The following AMN variants were observed in gnomAD, a reference collection of about 807,000 sequenced individuals.
AMN encodes the protein protein amnionless.
In AMN, 40 loss-of-function variants were observed where a neutral mutation model predicts 49.1. The observed-to-expected ratio is 0.81, with a 90% CI of 0.63 to 1.06. The LOEUF is 1.06. Ranked by LOEUF, AMN falls within the 50% of genes least tolerant of loss-of-function variation. AMN has a pLI of 0.00. For missense variants in AMN, 701 were observed against 662.8 expected, an observed-to-expected ratio of 1.06 and a Z score of -0.63; for synonymous variants, 380 against 313.3, an observed-to-expected ratio of 1.21 and a Z score of -2.25.
At chr14:102,928,715 G>A (rs1891248898) in intron 4 of AMN, 43 bp from the exon 5 acceptor site, 2 of 1,583,994 alleles carry the variant, frequency 1.3e-6, no homozygotes, top group Non-Finnish European at 1.7e-6. Context: ...GTGGTGTGGC[G>A]CGGCGCTTGT....
rs1249647645 is a variant in AMN at position 102,930,715 on chromosome 14, C to T, written c.*35C>T. ...TGACCGTCGACCTTGGGGCTCTCCACCCGCTCTGGCCCCAGTCGAACTGGG... is the reference window on the plus strand; with the variant it reads ...TGACCGTCGACCTTGGGGCTCTCCATCCGCTCTGGCCCCAGTCGAACTGGG... On this transcript the variant is annotated 3_prime_UTR_variant, in exon 12 of 12. Transcript: ENST00000299155. The T allele has an allele frequency of 2.6e-6, 4 of 1,548,672 alleles. No individual in the cohort carries two copies. The highest frequency in any genetic ancestry group is 1.2e-5 in the South Asian group (1 of 84,360).
At position 102,929,949 on chromosome 14, in the gene AMN, C is replaced by T. The variant is rs867728933; in HGVS notation, c.869C>T (p.Ala290Val). The T allele has an allele frequency of 6.4e-7, 1 of 1,563,068 alleles. No homozygotes were observed. Among genetic ancestry groups the T allele is most frequent in the East Asian group, 2.4e-5 (1 of 41,532 alleles). The change falls in exon 9 of 12, where the codon GCC becomes GTC. Residue 290 changes from alanine (A) to valine (V), a missense_variant. Physicochemically the swap from Ala to Val is moderately conservative, Grantham distance 64. Coordinates refer to ENST00000299155, the MANE Select transcript of AMN (RefSeq NM_030943.4). ...GLPQYHGLQV[A>V]VSKVPRSSRL... is the part of the protein sequence containing the mutation. The stretch of plus-strand genomic sequence containing the variant: ...CCTCAGTACCACGGGCTGCAGGTGG[C>T]CGTGTCCAAGGTGCCACGCTCGTCC...
intron 1 of AMN, 38 bp from the exon 2 acceptor site, chr14:102,923,663 GGGAGCATCCC>G (rs772980918): frequency 4.2e-5 from 64 of 1,536,620 alleles, no homozygotes; most frequent in Middle Eastern, 1.8e-4. Context: ...TCCCTGAGAA[GGGAGCATCCC>G]GGAGAGCATC....
intron 1 of AMN, 72 bp from the exon 2 acceptor site, chr14:102,923,639 T>C (rs1017295747): frequency 1.5e-6 from 2 of 1,358,958 alleles, no homozygotes. Flanking sequence ...CGCACTTCTC[T>C]GGGTGGGTGG....
Position 102,928,864 on chromosome 14 carries a change from C to T in AMN, c.402C>T (p.Arg134=). 2 of 1,604,298 alleles carry T rather than the reference C, an allele frequency of 1.2e-6. No homozygotes were observed. Among genetic ancestry groups the T allele is most frequent in the Non-Finnish European group, 1.7e-6 (2 of 1,179,784 alleles). Residue 134 remains arginine (R), a synonymous_variant, in exon 5 of 12, where the codon CGC becomes CGT. Coordinates refer to ENST00000299155, the MANE Select transcript of AMN (RefSeq NM_030943.4). The part of the protein sequence containing the change: ...APGLFFVDAE[R]VPCRHDDVFF... ...GCCTCTTCTTCGTGGACGCCGAGCG[C>T]GTGCCCTGCCGCCACGACGACGTCT... is the stretch of plus-strand genomic sequence containing the variant.
At chr14:102,927,153 C>T (rs1753674110) in intron 3 of AMN, among the ~76,000 whole-genome samples, 1 of 152,168 alleles carries the variant, frequency 6.6e-6, no homozygotes, top group African/African-American at 2.4e-5. Context: ...TTCGGCCTTC[C>T]AAAGTGTTGG....
chr14:102,924,102 TG>T, intron 3 of AMN, 123 bp downstream of exon 3: 1 of 1,408,716 alleles, frequency 7.1e-7, no homozygotes, highest in Non-Finnish European at 1.0e-6. Flanking sequence ...ACTGGGACTT[TG>T]GCCTCTGGAG....
At chr14:102,926,782 G>A (rs1220138763) in intron 3 of AMN, among the ~76,000 whole-genome samples, 1 of 152,128 alleles carries the variant, frequency 6.6e-6, no homozygotes, top group Non-Finnish European at 1.5e-5. Flanking sequence ...ATCCATTCAA[G>A]AGCATGGACG....
At chr14:102,930,517 G>A (rs770986064) in intron 11 of AMN, 24 bp downstream of exon 11, 21 of 1,540,316 alleles carry the variant, frequency 1.4e-5, no homozygotes, top group Admixed American at 2.0e-5. Flanking sequence ...AGGGGGGACC[G>A]GGGCCTCCTC....
intron 1 of AMN, 156 bp downstream of exon 1, chr14:102,922,887 C>G (rs532186843): frequency 2.8e-6 from 3 of 1,081,486 alleles, no homozygotes; most frequent in Non-Finnish European, 3.9e-6. Flanking sequence ...CTGCCTCCCT[C>G]GTCTGGCGAG....
At position 102,929,525 on chromosome 14, in the gene AMN, G is replaced by A. The variant is rs1891281584; in HGVS notation, c.749G>A (p.Cys250Tyr). The change falls in exon 7 of 12, where the codon TGT becomes TAT. Residue 250 changes from cysteine to tyrosine, a missense_variant. Coordinates refer to ENST00000299155, the MANE Select transcript of AMN (RefSeq NM_030943.4). ...GCCCTCCGGCCCCAGGGGCAGTGCT[G>A]TGACCTCTGTGGTAAGCGCCCCCGC... ...HSALRPQGQC[C>Y]DLCGAVVLLT... The A allele has an allele frequency of 6.5e-7, 1 of 1,537,388 alleles. No homozygotes were observed.
rs781459651 is a variant in AMN at position 102,923,993 on chromosome 14, G to C, written c.207+14G>C. On this transcript the variant is annotated intron_variant, in intron 3 of 11. Coordinates refer to ENST00000299155, the MANE Select transcript of AMN (RefSeq NM_030943.4). ...GTCTCAGACATGGTAAGGCCGGGCT[G>C]CTACTGCCACTGGGCTGGGGGTTCA... The C allele has an allele frequency of 6.2e-6, 10 of 1,613,296 alleles. No individual in the cohort carries two copies. In the Admixed American group the frequency reaches 1.7e-4, roughly 27 times the overall value.
chr14:102,922,872 C>T lies in AMN; in HGVS notation c.43+141C>T, dbSNP rs1379976412. On this transcript the variant is annotated intron_variant, in intron 1 of 11. Transcript: ENST00000299155. ...TTTGGAGGGTTGGGGGCGTGAAACT[C>T]GGCCCTGCCTCCCTCGTCTGGCGAG... 9 of 1,199,266 alleles carry T rather than the reference C, an allele frequency of 7.5e-6. No individual in the cohort carries two copies. In the South Asian group the frequency reaches 8.8e-5, roughly 12 times the overall value. 74.3% of individuals were successfully genotyped at this position (1,199,266 alleles called of 1,614,324 possible). A position where few individuals can be genotyped will look rare whatever the true frequency, so the allele number is the denominator to read the frequency against.
chr14:102,929,794 G>C (rs1337934170), intron 8 of AMN, 57 bp downstream of exon 8: 1 of 1,543,994 alleles, frequency 6.5e-7, no homozygotes, highest in African/African-American at 1.4e-5. Flanking sequence ...TACCGCCTCC[G>C]CCTAGGACGC....
chr14:102,926,918 G>C (rs1291385883), intron 3 of AMN, among the ~76,000 whole-genome samples: 1 of 151,522 alleles, frequency 6.6e-6, no homozygotes, highest in African/African-American at 2.4e-5. Flanking sequence ...TTGAGACAGG[G>C]TCTCACTCTG....
intron 1 of AMN, chr14:102,923,019 C>T: frequency 2.3e-6 from 1 of 441,286 alleles, no homozygotes; most frequent in Non-Finnish European, 4.1e-6. Flanking sequence ...TTTCCGTCTG[C>T]GAAATGGGCG....
At chr14:102,930,114 G>C in intron 9 of AMN, 28 bp downstream of exon 9, 1 of 1,505,940 alleles carries the variant, frequency 6.6e-7, no homozygotes, top group Non-Finnish European at 8.8e-7. Context: ...ATCCCGCCCC[G>C]CCGCGCCTCG....
chr14:102,928,788 G>T lies in AMN; in HGVS notation c.326G>T (p.Arg109Leu). 1 of 1,608,468 alleles carries T rather than the reference G, an allele frequency of 6.2e-7. No individual in the cohort carries two copies. Among genetic ancestry groups the T allele is most frequent in the Non-Finnish European group, 8.5e-7 (1 of 1,179,848 alleles). ...CCTGCCGTCTTCCGCGACTCTGACC[G>T]CTTCTCCTGGCATGACCCGCACCTG... ...GEPAVFRDSD[R>L]FSWHDPHLWR... Residue 109 changes from arginine to leucine, a missense_variant, in exon 5 of 12, where the codon CGC becomes CTC. Transcript: ENST00000299155.
At chr14:102,926,066 C>T (rs369842115) in intron 3 of AMN, among the ~76,000 whole-genome samples, 1 of 152,230 alleles carries the variant, frequency 6.6e-6, no homozygotes, top group Admixed American at 6.5e-5. Flanking sequence ...TTTCACCCAT[C>T]CCCCTGCCTT....
Sources: allele counts gnomAD v4.1 joint callset (sites outside exome capture counted in the v4.1 genomes callset), GRCh38; gene constraint gnomAD v4.1.1; transcripts MANE v1.5; gene names NCBI Gene and HGNC (gene_info 2026-07-23, HGNC 2026-07-21).